Variants in EXOC6B observed in about 807,000 individuals in gnomAD.
The protein encoded by EXOC6B is SEC15 homolog B.
Under a neutral mutation model 113.5 loss-of-function variants are expected in EXOC6B, and 54 were observed. The ratio of observed to expected loss-of-function variants is 0.48; its 90% CI spans 0.38 to 0.60. The LOEUF is 0.60. EXOC6B is among the 20% of genes least tolerant of loss of function. EXOC6B has a pLI of 0.00. For synonymous variants in EXOC6B, 357 were observed against 339.0 expected, an observed-to-expected ratio of 1.05 and a Z score of -0.58; for missense variants, 797 against 977.5, an observed-to-expected ratio of 0.82 and a Z score of 2.46.
chr2:72,398,920 A>G (rs1019815514), intron 18 of EXOC6B, among the ~76,000 whole-genome samples: 2 of 152,044 alleles, frequency 1.3e-5, no homozygotes, highest in African/African-American at 4.8e-5. Flanking sequence ...TAAGAAAAAC[A>G]TAAAACAATA....
intron 20 of EXOC6B, among the ~76,000 whole-genome samples, chr2:72,230,079 G>A (rs1681510860): frequency 6.6e-6 from 1 of 151,974 alleles, no homozygotes; most frequent in Admixed American, 6.6e-5. Flanking sequence ...ACATTCACAA[G>A]AGTCTCTGTG....
chr2:72,322,430 G>A (rs1687888836), intron 20 of EXOC6B, among the ~76,000 whole-genome samples: 1 of 152,104 alleles, frequency 6.6e-6, no homozygotes. Context: ...ACAAAGGGAT[G>A]GGACTAATTA....
chr2:72,744,870 G>GAA (rs899970478), intron 1 of EXOC6B, among the ~76,000 whole-genome samples: 10 of 148,654 alleles, frequency 6.7e-5, no homozygotes, highest in African/African-American at 2.5e-4. Flanking sequence ...CCTATTTAAA[G>GAA]AAAAAAAAAA....
chr2:72,735,711 G>A (rs893841999), intron 2 of EXOC6B, among the ~76,000 whole-genome samples: 1 of 151,742 alleles, frequency 6.6e-6, no homozygotes, highest in Non-Finnish European at 1.5e-5. Context: ...AGCTACTTGG[G>A]AGGCTGAGGC....
At chr2:72,580,135 A>ATTTT (rs1205164863) in intron 6 of EXOC6B, among the ~76,000 whole-genome samples, 13 of 93,756 alleles carry the variant, frequency 1.4e-4, no homozygotes, top group Non-Finnish European at 1.5e-4. Context: ...AGAAATAAGA[A>ATTTT]TTTTTTTTTT....
chr2:72,301,064 T>G (rs890688233), intron 20 of EXOC6B, among the ~76,000 whole-genome samples: 2 of 152,004 alleles, frequency 1.3e-5, no homozygotes, highest in African/African-American at 4.8e-5. Context: ...GAGTGTTTAA[T>G]TTTATCAAAA....
At chr2:72,456,996 C>T (rs983431689) in intron 18 of EXOC6B, among the ~76,000 whole-genome samples, 11 of 146,938 alleles carry the variant, frequency 7.5e-5, no homozygotes, top group Admixed American at 2.1e-4. Context: ...TAAAAGTAGA[C>T]GAAAGGCATG....
At chr2:72,560,275 A>G (rs1481298074) in intron 7 of EXOC6B, among the ~76,000 whole-genome samples, 4 of 144,174 alleles carry the variant, frequency 2.8e-5, no homozygotes. Flanking sequence ...ACCTAAGTTG[A>G]AAAAAAAATC....
At chr2:72,342,265 C>G (rs1210450388) in intron 19 of EXOC6B, among the ~76,000 whole-genome samples, 2 of 151,240 alleles carry the variant, frequency 1.3e-5, no homozygotes, top group Non-Finnish European at 3.0e-5. Context: ...AAGATCAGAG[C>G]ATAAGAAATG....
At chr2:72,632,954 G>A (rs1316146510) in intron 6 of EXOC6B, among the ~76,000 whole-genome samples, 2 of 152,120 alleles carry the variant, frequency 1.3e-5, no homozygotes, top group Non-Finnish European at 2.9e-5. Context: ...GGATTTACAG[G>A]CATGAGCCAC....
chr2:72,343,064 C>T (rs1287749294), intron 19 of EXOC6B, among the ~76,000 whole-genome samples: 1 of 152,098 alleles, frequency 6.6e-6, no homozygotes, highest in Admixed American at 6.6e-5. Flanking sequence ...CTTTTACAAC[C>T]TTGGTTAATT....
At chr2:72,786,816 T>A (rs1573796164) in intron 1 of EXOC6B, among the ~76,000 whole-genome samples, 1 of 152,170 alleles carries the variant, frequency 6.6e-6, no homozygotes, top group African/African-American at 2.4e-5. Context: ...CCATCTTAAG[T>A]ATGCTTTTGT....
chr2:72,665,788 T>C (rs1675348933), intron 6 of EXOC6B, among the ~76,000 whole-genome samples: 1 of 152,098 alleles, frequency 6.6e-6, no homozygotes, highest in Admixed American at 6.6e-5. Flanking sequence ...AACTACGCAA[T>C]CAAATCTATG....
intron 19 of EXOC6B, among the ~76,000 whole-genome samples, chr2:72,350,509 C>G (rs778687306): frequency 3.9e-5 from 6 of 152,162 alleles, no homozygotes; most frequent in Non-Finnish European, 8.8e-5. Context: ...TAGGATCTAT[C>G]TTATTAGAGA....
chr2:72,229,552 G>T (rs746693976), intron 20 of EXOC6B, among the ~76,000 whole-genome samples: 11 of 152,130 alleles, frequency 7.2e-5, no homozygotes, highest in Non-Finnish European at 1.6e-4. Flanking sequence ...AGACAGGCAG[G>T]GAGCTCCCCA....
At chr2:72,281,505 C>A (rs1383575399) in intron 20 of EXOC6B, among the ~76,000 whole-genome samples, 1 of 151,902 alleles carries the variant, frequency 6.6e-6, no homozygotes, top group Admixed American at 6.6e-5. Context: ...ATAGTTAAAA[C>A]TAAGAATATA....
rs185145167 is a variant in EXOC6B, at chr2:72,619,441, C to T, written c.670-43773G>A. Among the ~76,000 whole-genome samples the T allele has an allele frequency of 6.3e-4, 96 of 152,082 alleles. No individual in the cohort carries two copies. The East Asian group carries it at 0.012, about 20-fold the overall frequency. On this transcript the variant is annotated intron_variant, in intron 6 of 21. Coordinates refer to ENST00000272427, the MANE Select transcript of EXOC6B (RefSeq NM_015189.3). ...AAAAGAGAAAAAAATTTGAGACATT[C>T]ATAGACAGGATAACATATGAGTAAC...
chr2:72,721,896 A>G (rs941937299), intron 5 of EXOC6B: 4 of 152,068 alleles, frequency 2.6e-5, no homozygotes, highest in African/African-American at 7.2e-5. Flanking sequence ...TCAGAGGACA[A>G]TATTTATTAA....
At chr2:72,340,008 AG>A (rs1688932604) in intron 19 of EXOC6B, among the ~76,000 whole-genome samples, 2 of 152,260 alleles carry the variant, frequency 1.3e-5, no homozygotes, top group African/African-American at 4.8e-5. Context: ...AAGTTACCAG[AG>A]GGGAAAAAGG....
Sources: allele counts gnomAD v4.1 joint callset (sites outside exome capture counted in the v4.1 genomes callset), GRCh38; gene constraint gnomAD v4.1.1; transcripts MANE v1.5; gene names NCBI Gene and HGNC (gene_info 2026-07-23, HGNC 2026-07-21).